TRERF1: variants seen among roughly 807,000 people sequenced by gnomAD.
TRERF1 encodes transcriptional-regulating factor 1.
Under a neutral mutation model 122.9 loss-of-function variants are expected in TRERF1, and 27 were observed. The observed-to-expected ratio is 0.22, with a 90% CI of 0.16 to 0.30. The LOEUF is 0.30. TRERF1 is among the 10% of genes least tolerant of loss of function. The pLI is 1.00. For missense variants in TRERF1, 1,248 were observed against 1,560.3 expected (o/e 0.80, Z 3.37); for synonymous variants, 636 against 641.7 (o/e 0.99, Z 0.13).
Position 42,269,375 on chromosome 6 carries a change from T to G in TRERF1, c.216A>C (p.Lys72Asn). 6.2e-7 allele frequency: 1 copy of G among 1,614,184 alleles called. No homozygotes were observed. The change falls in exon 5 of 18, where the codon AAA becomes AAC. Residue 72 changes from lysine (K) to asparagine (N), a missense_variant. Physicochemically the swap from Lys to Asn is moderately conservative, Grantham distance 94. Around this residue, in one of 5 missense-constraint regions of TRERF1, gnomAD observed 946 missense variants for 1,073.0 expected, o/e 0.88. Transcript: ENST00000372922. The surrounding 1 kb of genome is among the most constrained non-coding windows in gnomAD (Gnocchi z 4.9). ...TCGAGGTATCCATTTGGCCAAGGTT[T>G]TTGGAGCCAACAGGCAAGCCCAGAC...
intron 2 of TRERF1, among the ~76,000 whole-genome samples, chr6:42,425,717 GTAT>G (rs748881413): frequency 2.0e-5 from 3 of 151,504 alleles, no homozygotes; most frequent in Non-Finnish European, 2.9e-5. Context: ...CTAATTTTTT[GTAT>G]TTTTAGTAGA....
chr6:42,449,325 G>A (rs889438278), intron 2 of TRERF1, among the ~76,000 whole-genome samples: 13 of 152,224 alleles, frequency 8.5e-5, no homozygotes, highest in South Asian at 4.1e-4. Context: ...TAAAAGGGCG[G>A]AGCCCAGAGA....
chr6:42,368,608 T>A (rs1773194678), intron 2 of TRERF1, among the ~76,000 whole-genome samples: 1 of 152,206 alleles, frequency 6.6e-6, no homozygotes, highest in South Asian at 2.1e-4. Context: ...TCCAGTAATG[T>A]CTCAATGTTT....
intron 2 of TRERF1, among the ~76,000 whole-genome samples, chr6:42,406,800 C>G (rs899900410): frequency 4.0e-5 from 6 of 151,668 alleles, no homozygotes; most frequent in African/African-American, 1.5e-4. Flanking sequence ...ATTTGTGTAA[C>G]CACTCCCTCT....
intron 4 of TRERF1, among the ~76,000 whole-genome samples, chr6:42,294,456 A>G (rs1784779605): frequency 1.3e-5 from 2 of 152,150 alleles, no homozygotes; most frequent in Admixed American, 1.3e-4. Flanking sequence ...CTAGGATTAC[A>G]GGCATGAGCC....
At chr6:42,373,615 C>T (rs1334863343) in intron 2 of TRERF1, among the ~76,000 whole-genome samples, 2 of 151,960 alleles carry the variant, frequency 1.3e-5, no homozygotes, top group Non-Finnish European at 2.9e-5. Context: ...TGCAGTGAGC[C>T]GAGATGGCGC....
At chr6:42,437,796 C>T (rs1785722011) in intron 2 of TRERF1, among the ~76,000 whole-genome samples, 1 of 152,108 alleles carries the variant, frequency 6.6e-6, no homozygotes, top group Non-Finnish European at 1.5e-5. Flanking sequence ...CCTCCATTTC[C>T]CCACCTGTAT....
chr6:42,390,004 T>C (rs1223268322), intron 2 of TRERF1, among the ~76,000 whole-genome samples: 6 of 152,200 alleles, frequency 3.9e-5, no homozygotes, highest in South Asian at 2.1e-4. Context: ...GGGGTTTTGT[T>C]AAAGTTAATA....
chr6:42,329,751 G>A (rs1382662753), intron 3 of TRERF1, among the ~76,000 whole-genome samples: 1 of 152,130 alleles, frequency 6.6e-6, no homozygotes, highest in Non-Finnish European at 1.5e-5. Context: ...AGCACTTTGG[G>A]AGGCTGAGGT....
chr6:42,309,060 G>T (rs1260315454), intron 3 of TRERF1, among the ~76,000 whole-genome samples: 2 of 152,000 alleles, frequency 1.3e-5, no homozygotes, highest in Non-Finnish European at 2.9e-5. Context: ...TACCATTAGA[G>T]ACTTTAACTC....
At chr6:42,332,923 T>G (rs1765485657) in intron 3 of TRERF1, among the ~76,000 whole-genome samples, 1 of 152,124 alleles carries the variant, frequency 6.6e-6, no homozygotes, top group Admixed American at 6.5e-5. Context: ...GAGAGGAAAC[T>G]GGCCTACTTT....
intron 2 of TRERF1, among the ~76,000 whole-genome samples, chr6:42,445,508 C>T (rs1488946394): frequency 2.0e-5 from 3 of 152,076 alleles, no homozygotes; most frequent in Non-Finnish European, 4.4e-5. Context: ...ATTTTTATCT[C>T]GTGCTAGGTG....
chr6:42,413,645 G>GT (rs1474006493), intron 2 of TRERF1, among the ~76,000 whole-genome samples: 1 of 151,912 alleles, frequency 6.6e-6, no homozygotes, highest in Non-Finnish European at 1.5e-5. Context: ...GGCCAGGATG[G>GT]TCTTGATCTC....
chr6:42,346,332 G>A (rs981807221), intron 3 of TRERF1, among the ~76,000 whole-genome samples: 3 of 152,166 alleles, frequency 2.0e-5, no homozygotes, highest in Admixed American at 6.5e-5. Context: ...TGAGCACCAC[G>A]TGTGCACAAA....
intron 2 of TRERF1, among the ~76,000 whole-genome samples, chr6:42,388,514 A>G (rs1777191888): frequency 6.6e-6 from 1 of 152,214 alleles, no homozygotes; most frequent in Middle Eastern, 3.4e-3. Flanking sequence ...CTGCCACGAG[A>G]TCTGCCTGAA....
intron 2 of TRERF1, among the ~76,000 whole-genome samples, chr6:42,372,515 C>A (rs973556362): frequency 3.3e-5 from 5 of 152,128 alleles, no homozygotes; most frequent in African/African-American, 1.2e-4. Flanking sequence ...CCAGTCAGTT[C>A]CCTTCCCCCT....
At chr6:42,311,554 G>GGAGATCGA (rs1761638853) in intron 3 of TRERF1, among the ~76,000 whole-genome samples, 3 of 152,026 alleles carry the variant, frequency 2.0e-5, no homozygotes, top group South Asian at 4.1e-4. Flanking sequence ...CACAAGGTCA[G>GGAGATCGA]GAGATCGAGA....
chr6:42,326,852 T>A (rs1764374985), intron 3 of TRERF1, among the ~76,000 whole-genome samples: 1 of 152,220 alleles, frequency 6.6e-6, no homozygotes, highest in Non-Finnish European at 1.5e-5. Flanking sequence ...AACAGTTTCC[T>A]CAAAAGGTGC....
At chr6:42,366,534 G>A (rs904551022) in intron 2 of TRERF1, among the ~76,000 whole-genome samples, 1 of 152,150 alleles carries the variant, frequency 6.6e-6, no homozygotes, top group African/African-American at 2.4e-5. Flanking sequence ...TCCTGCACCT[G>A]CATATTCAAG....
Sources: allele counts gnomAD v4.1 joint callset (sites outside exome capture counted in the v4.1 genomes callset), GRCh38; gene constraint gnomAD v4.1.1; regional missense constraint gnomAD v4.1.1; non-coding constraint Gnocchi (gnomAD v3.1); transcripts MANE v1.5; gene names NCBI Gene and HGNC (gene_info 2026-07-23, HGNC 2026-07-21).